The following ZNF385D variants were observed in gnomAD, a reference collection of about 807,000 sequenced individuals.
ZNF385D encodes zinc finger protein 659.
A neutral mutation model predicts 35.8 loss-of-function variants in ZNF385D; 15 were observed. That is an observed-to-expected ratio of 0.42 (90% confidence interval 0.28 to 0.64). The LOEUF (loss-of-function observed/expected upper bound fraction) is 0.64, where lower values mean the gene tolerates loss of function less well. Ranked by LOEUF, ZNF385D falls within the 30% of genes least tolerant of loss-of-function variation. The pLI, the probability that ZNF385D is intolerant of heterozygous loss-of-function variation, is 0.23. For synonymous variants in ZNF385D, 212 were observed against 186.8 expected (o/e 1.13, Z -1.10); for missense variants, 474 against 494.6 (o/e 0.96, Z 0.39).
At chr3:22,355,256 GT>G in intron 2 of ZNF385D, among the ~76,000 whole-genome samples, 1 of 152,026 alleles carries the variant, frequency 6.6e-6, no homozygotes, top group East Asian at 1.9e-4. Context: ...AAAATACATT[GT>G]AGAAGAAATT....
chr3:21,547,512 C>T (rs993348951), intron 3 of ZNF385D, among the ~76,000 whole-genome samples: 1 of 152,138 alleles, frequency 6.6e-6, no homozygotes, highest in Admixed American at 6.5e-5. Flanking sequence ...TCTAGGGAAG[C>T]TCTGACTGCC....
intron 2 of ZNF385D, among the ~76,000 whole-genome samples, chr3:22,306,186 C>G (rs1292766114): frequency 6.6e-6 from 1 of 152,054 alleles, no homozygotes; most frequent in African/African-American, 2.4e-5. Flanking sequence ...TTGCCCTTGA[C>G]TACCTTAGAA....
chr3:21,547,422 G>A (rs62236076), intron 3 of ZNF385D, among the ~76,000 whole-genome samples: 1 of 151,818 alleles, frequency 6.6e-6, no homozygotes, highest in Non-Finnish European at 1.5e-5. Context: ...GTCTGTTCTT[G>A]CCTTCAGGAC....
Position 21,981,418 on chromosome 3 carries a change from G to T in ZNF385D, c.325+187399C>A, listed in dbSNP as rs539521728. Among the ~76,000 whole-genome samples the T allele has an allele frequency of 1.2e-3, 182 of 152,094 alleles. 1 individual carries two copies. Among genetic ancestry groups the T allele is most frequent in the African/African-American group, 4.2e-3 (174 of 41,528 alleles). On this transcript the variant is annotated intron_variant, in intron 3 of 5. Coordinates refer to the ZNF385D transcript ENST00000494108. Reference sequence around the variant, plus strand: ...TGAACACTTTTAAATGAGGCTATTTGTTTTTCTCTTGCGAATTTTTAAGTT... The same window carrying T: ...TGAACACTTTTAAATGAGGCTATTTTTTTTTCTCTTGCGAATTTTTAAGTT...
At chr3:22,288,016 G>T (rs1186549272) in intron 2 of ZNF385D, among the ~76,000 whole-genome samples, 1 of 151,896 alleles carries the variant, frequency 6.6e-6, no homozygotes, top group Non-Finnish European at 1.5e-5. Flanking sequence ...AGACAGAATT[G>T]CCTGGCATAT....
chr3:22,004,277 A>G (rs143942381), intron 3 of ZNF385D, among the ~76,000 whole-genome samples: 1 of 152,312 alleles, frequency 6.6e-6, no homozygotes, highest in Non-Finnish European at 1.5e-5. Context: ...AGCATATTCA[A>G]AAAATGACTC....
chr3:22,070,576 G>A (rs997013423), intron 3 of ZNF385D, among the ~76,000 whole-genome samples: 1 of 152,018 alleles, frequency 6.6e-6, no homozygotes, highest in Non-Finnish European at 1.5e-5. Context: ...GATTATAAAA[G>A]GATGAAACTA....
chr3:21,999,765 T>A (rs1169947028), intron 3 of ZNF385D, among the ~76,000 whole-genome samples: 1 of 83,008 alleles, frequency 1.2e-5, no homozygotes, highest in Non-Finnish European at 2.3e-5. Flanking sequence ...AATACCCCAG[T>A]CAGGCAAAAA....
intron 4 of ZNF385D, among the ~76,000 whole-genome samples, chr3:21,510,543 A>T (rs1407510749): frequency 6.6e-6 from 1 of 152,186 alleles, no homozygotes; most frequent in Non-Finnish European, 1.5e-5. Context: ...TGCATACAAG[A>T]TGCAAATGCT....
intron 3 of ZNF385D, among the ~76,000 whole-genome samples, chr3:21,914,038 T>C (rs909034774): frequency 3.3e-5 from 5 of 152,096 alleles, no homozygotes; most frequent in African/African-American, 1.2e-4. Flanking sequence ...TGTTAGGCAT[T>C]TAGTTAATAA....
chr3:22,089,629 C>G (rs552367542), intron 3 of ZNF385D, among the ~76,000 whole-genome samples: 1 of 152,148 alleles, frequency 6.6e-6, no homozygotes, highest in Admixed American at 6.5e-5. Context: ...ATGGATGCAC[C>G]TTCCTCAGTG....
At chr3:21,503,060 T>C (rs1184432823) in intron 4 of ZNF385D, among the ~76,000 whole-genome samples, 1 of 152,180 alleles carries the variant, frequency 6.6e-6, no homozygotes, top group East Asian at 1.9e-4. Flanking sequence ...CTATAAGAGC[T>C]GATGGAAATG....
chr3:21,831,085 T>C (rs575058840), intron 3 of ZNF385D, among the ~76,000 whole-genome samples: 2 of 152,330 alleles, frequency 1.3e-5, no homozygotes, highest in East Asian at 3.9e-4. Context: ...GGAAATGTTT[T>C]CTTAGCATGT....
intron 3 of ZNF385D, among the ~76,000 whole-genome samples, chr3:22,099,416 G>A (rs935500968): frequency 7.9e-5 from 12 of 152,200 alleles, no homozygotes; most frequent in African/African-American, 2.9e-4. Flanking sequence ...GTAATTATTA[G>A]AACATTGTAG....
rs545499481 is a variant in ZNF385D, at chr3:21,877,257, G to A, written c.326-212229C>T. On this transcript the variant is annotated intron_variant, in intron 3 of 5. Coordinates refer to the ZNF385D transcript ENST00000494108. Reference sequence around the variant, plus strand: ...CTGCTTTGGCTCTGTATGAAACTGAGCACCAACCCAGCAAACACTGTACCC... The same window carrying A: ...CTGCTTTGGCTCTGTATGAAACTGAACACCAACCCAGCAAACACTGTACCC... 3.9e-5 allele frequency among the ~76,000 whole-genome samples: 6 copies of A among 152,156 alleles called. No homozygotes were observed. In the East Asian group the frequency reaches 1.2e-3, roughly 29 times the overall value.
chr3:22,090,537 C>G (rs7634324), intron 3 of ZNF385D, among the ~76,000 whole-genome samples: 4 of 151,892 alleles, frequency 2.6e-5, no homozygotes, highest in African/African-American at 9.7e-5. Flanking sequence ...GTTCAATTCA[C>G]AGCCTAAGGG....
At position 22,058,507 on chromosome 3, in the gene ZNF385D, T is replaced by A. The variant is rs150347359; in HGVS notation, c.325+110310A>T. On this transcript the variant is annotated intron_variant, in intron 3 of 5. Transcript: ENST00000494108. ...ATGGCTATCACACAAAGTGAGGCAA[T>A]GTTTCCAACTCCTAACTGGTCAAAG... 9.9e-5 allele frequency among the ~76,000 whole-genome samples: 15 copies of A among 152,262 alleles called. No homozygotes were observed. The East Asian group carries it at 2.9e-3, about 29-fold the overall frequency.
intron 3 of ZNF385D, among the ~76,000 whole-genome samples, chr3:21,789,779 G>T (rs2071849958): frequency 6.6e-6 from 1 of 152,130 alleles, no homozygotes; most frequent in East Asian, 1.9e-4. Context: ...AAAATATTCA[G>T]CAAGATAGCT....
At chr3:21,451,745 T>C (rs1047784654) in intron 4 of ZNF385D, among the ~76,000 whole-genome samples, 21 of 152,142 alleles carry the variant, frequency 1.4e-4, no homozygotes, top group Admixed American at 2.6e-4. Flanking sequence ...TCCACTTCTC[T>C]GTTTTTATCC....
Sources: allele counts gnomAD v4.1 joint callset (sites outside exome capture counted in the v4.1 genomes callset), GRCh38; gene constraint gnomAD v4.1.1; transcripts MANE v1.5; gene names NCBI Gene and HGNC (gene_info 2026-07-23, HGNC 2026-07-21).